Variants in UBE2E2 observed in about 807,000 individuals in gnomAD.
The protein encoded by UBE2E2 is ubiquitin-conjugating enzyme E2 E2.
Under a neutral mutation model 24.7 loss-of-function variants are expected in UBE2E2, and 6 were observed. That is an observed-to-expected ratio of 0.24 (90% CI 0.13 to 0.48). The LOEUF (loss-of-function observed/expected upper bound fraction) is 0.48, where lower values mean the gene tolerates loss of function less well. Among genes scored for constraint, UBE2E2 ranks in the 20% least tolerant of loss-of-function variants. The pLI, the probability that UBE2E2 is intolerant of heterozygous loss-of-function variation, is 0.99. For missense variants in UBE2E2, 169 were observed against 245.0 expected (o/e 0.69, Z 2.07); for synonymous variants, 104 against 83.6 (o/e 1.24, Z -1.33).
chr3:23,321,953 T>C (rs1694749939), intron 3 of UBE2E2, among the ~76,000 whole-genome samples: 1 of 152,046 alleles, frequency 6.6e-6, no homozygotes, highest in South Asian at 2.1e-4. Flanking sequence ...TGATTCACAT[T>C]AGTGTCAATG....
intron 3 of UBE2E2, among the ~76,000 whole-genome samples, chr3:23,302,701 G>T (rs999909249): frequency 1.3e-5 from 2 of 152,202 alleles, no homozygotes; most frequent in Non-Finnish European, 2.9e-5. Flanking sequence ...GCCTAAATTA[G>T]ATCTGTCAGT....
intron 3 of UBE2E2, among the ~76,000 whole-genome samples, chr3:23,491,357 T>C (rs193302576): frequency 3.3e-5 from 5 of 152,326 alleles, no homozygotes; most frequent in African/African-American, 1.2e-4. Context: ...TTTCTTAATA[T>C]GTCTTCTTCC....
At chr3:23,270,325 A>C (rs1431025718) in intron 3 of UBE2E2, among the ~76,000 whole-genome samples, 1 of 151,974 alleles carries the variant, frequency 6.6e-6, no homozygotes, top group Non-Finnish European at 1.5e-5. Context: ...GGTGCCATGC[A>C]TGTGCTGCGA....
At chr3:23,237,507 G>A (rs1697144057) in intron 3 of UBE2E2, among the ~76,000 whole-genome samples, 1 of 152,056 alleles carries the variant, frequency 6.6e-6, no homozygotes, top group Admixed American at 6.6e-5. Flanking sequence ...CTCATCAGCT[G>A]GGCTGGTATT....
chr3:23,526,596 T>C (rs1695004489), intron 4 of UBE2E2, among the ~76,000 whole-genome samples: 1 of 151,142 alleles, frequency 6.6e-6, no homozygotes, highest in Non-Finnish European at 1.5e-5. Flanking sequence ...GAAGTAGGAA[T>C]ATGATGGCAG....
chr3:23,296,348 G>A (rs923497596), intron 3 of UBE2E2, among the ~76,000 whole-genome samples: 5 of 151,594 alleles, frequency 3.3e-5, no homozygotes, highest in African/African-American at 1.2e-4. Flanking sequence ...AAGTTTTAGG[G>A]TACATGTGCA....
At chr3:23,347,661 C>A (rs1244473607) in intron 3 of UBE2E2, among the ~76,000 whole-genome samples, 3 of 152,042 alleles carry the variant, frequency 2.0e-5, no homozygotes, top group Non-Finnish European at 4.4e-5. Context: ...ATGTAACAAA[C>A]CTGCACATTG....
chr3:23,493,292 G>A (rs1236593448), intron 3 of UBE2E2, among the ~76,000 whole-genome samples: 2 of 152,144 alleles, frequency 1.3e-5, no homozygotes, highest in Non-Finnish European at 2.9e-5. Flanking sequence ...TAAAGACAGC[G>A]AGAGCCTATT....
At chr3:23,232,919 T>C (rs1675968840) in intron 3 of UBE2E2, among the ~76,000 whole-genome samples, 1 of 152,220 alleles carries the variant, frequency 6.6e-6, no homozygotes, top group African/African-American at 2.4e-5. Context: ...AGGTGACAGA[T>C]TCAGCTGCAA....
chr3:23,437,147 C>G (rs1416111946), intron 3 of UBE2E2, among the ~76,000 whole-genome samples: 3 of 152,222 alleles, frequency 2.0e-5, no homozygotes, highest in Admixed American at 6.5e-5. Flanking sequence ...GGCCTTCCTT[C>G]CACTTCCCAC....
At chr3:23,279,500 T>C (rs543221433) in intron 3 of UBE2E2, among the ~76,000 whole-genome samples, 1 of 152,286 alleles carries the variant, frequency 6.6e-6, no homozygotes, top group East Asian at 1.9e-4. Context: ...TAATATAACA[T>C]ACATTCTATA....
intron 5 of UBE2E2, among the ~76,000 whole-genome samples, chr3:23,545,324 C>T (rs915508218): frequency 3.3e-5 from 5 of 152,122 alleles, no homozygotes; most frequent in African/African-American, 9.7e-5. Flanking sequence ...GGCAGAGGTC[C>T]CTGTGGCCTT....
At chr3:23,546,460 ATTTTTTTTTTTTTTTT>A (rs899923576) in intron 5 of UBE2E2, among the ~76,000 whole-genome samples, 1 of 76,860 alleles carries the variant, frequency 1.3e-5, no homozygotes, top group Non-Finnish European at 2.5e-5. Context: ...GAACATTTAG[ATTTTTTTTTTTTTTTT>A]TTTTTTTTTT....
At position 23,358,226 on chromosome 3, in the gene UBE2E2, G is replaced by A. The variant is rs1208086736; in HGVS notation, c.227+140914G>A. ...AGTTGCCCTTTGTTTTTCTGTCAGG[G>A]TTTTGAATTAGCTATGTTGAATGAG... is the stretch of plus-strand genomic sequence containing the variant. On this transcript the variant is annotated intron_variant, in intron 3 of 5. Transcript: ENST00000396703. Among the ~76,000 whole-genome samples, 10 of 152,226 alleles carry A rather than the reference G, an allele frequency of 6.6e-5. No individual in the cohort carries two copies. The East Asian group carries it at 1.9e-3, about 29-fold the overall frequency.
At chr3:23,483,466 T>G (rs182026081) in intron 3 of UBE2E2, among the ~76,000 whole-genome samples, 2 of 152,352 alleles carry the variant, frequency 1.3e-5, no homozygotes, top group African/African-American at 4.8e-5. Context: ...TTTTTACAGA[T>G]AAGAGAACTG....
At chr3:23,439,848 TTG>T (rs1022768308) in intron 3 of UBE2E2, among the ~76,000 whole-genome samples, 1 of 152,170 alleles carries the variant, frequency 6.6e-6, no homozygotes, top group Non-Finnish European at 1.5e-5. Flanking sequence ...TTAGCCCATT[TTG>T]TGTTTTAACC....
chr3:23,590,908 A>G lies in UBE2E2; in HGVS notation c.*1077A>G, dbSNP rs965754461. The G allele has an allele frequency of 6.6e-6, 1 of 152,218 alleles. No individual in the cohort carries two copies. The highest frequency in any genetic ancestry group is 2.4e-5 in the African/African-American group (1 of 41,458). 9.4% of individuals were successfully genotyped at this position (152,218 alleles called of 1,614,324 possible). On this transcript the variant is annotated 3_prime_UTR_variant, in exon 6 of 6. Coordinates refer to ENST00000396703, the MANE Select transcript of UBE2E2 (RefSeq NM_152653.4). ...TCTGAGCTAATCATTGTGTTCAGCC[A>G]CTTTCAACTTTATTTCTCTCAAAAT...
intron 3 of UBE2E2, among the ~76,000 whole-genome samples, chr3:23,459,233 G>A (rs777043265): frequency 3.9e-4 from 59 of 152,208 alleles, no homozygotes; most frequent in Non-Finnish European, 6.2e-4. Context: ...GCTCCTAAGA[G>A]ATAGTTTTTG....
At chr3:23,423,518 T>A (rs762181783) in intron 3 of UBE2E2, among the ~76,000 whole-genome samples, 2 of 152,210 alleles carry the variant, frequency 1.3e-5, no homozygotes, top group East Asian at 3.8e-4. Flanking sequence ...TTATTTCTTA[T>A]CAGGATGAGA....
Sources: allele counts gnomAD v4.1 joint callset (sites outside exome capture counted in the v4.1 genomes callset), GRCh38; gene constraint gnomAD v4.1.1; transcripts MANE v1.5; gene names NCBI Gene and HGNC (gene_info 2026-07-23, HGNC 2026-07-21).